FGF12: variants seen among roughly 807,000 people sequenced by gnomAD.
FGF12 encodes the protein fibroblast growth factor 12.
Under a neutral mutation model 23.6 loss-of-function variants are expected in FGF12, and 14 were observed. That is an observed-to-expected ratio of 0.59 (90% confidence interval 0.39 to 0.93). FGF12 has a LOEUF of 0.93. Among genes scored for constraint, FGF12 ranks in the 40% least tolerant of loss-of-function variants. The probability of loss-of-function intolerance (pLI) is 0.00; values close to 1 mark genes in which losing one functional copy is unlikely to be tolerated. For synonymous variants in FGF12, 62 were observed against 77.3 expected, an observed-to-expected ratio of 0.80 and a Z score of 1.04; for missense variants, 175 against 217.8, an observed-to-expected ratio of 0.80 and a Z score of 1.24.
chr3:192,598,966 C>T (rs1467170416), intron 2 of FGF12, among the ~76,000 whole-genome samples: 2 of 152,082 alleles, frequency 1.3e-5, no homozygotes, highest in Non-Finnish European at 2.9e-5. Context: ...TTTGCAGGGA[C>T]ATGGATGAAG....
chr3:192,561,585 A>G (rs1485903403), intron 2 of FGF12, among the ~76,000 whole-genome samples: 1 of 152,134 alleles, frequency 6.6e-6, no homozygotes, highest in Non-Finnish European at 1.5e-5. Flanking sequence ...GATAGTCTCG[A>G]TCTCCTGACC....
At chr3:192,525,849 A>G (rs1724933083) in intron 2 of FGF12, among the ~76,000 whole-genome samples, 1 of 152,118 alleles carries the variant, frequency 6.6e-6, no homozygotes, top group African/African-American at 2.4e-5. Context: ...GTCTTGGCTC[A>G]CTGCAACCTC....
chr3:192,573,573 A>C (rs925221463), intron 2 of FGF12, among the ~76,000 whole-genome samples: 1 of 152,122 alleles, frequency 6.6e-6, no homozygotes, highest in Non-Finnish European at 1.5e-5. Flanking sequence ...TTCGGACTTA[A>C]ACTGGGACAC....
At chr3:192,174,785 A>G (rs972262280) in intron 4 of FGF12, among the ~76,000 whole-genome samples, 2 of 151,870 alleles carry the variant, frequency 1.3e-5, no homozygotes, top group Non-Finnish European at 2.9e-5. Context: ...GGCTCCACAC[A>G]TATTAGCTGT....
rs1489775299 is a variant in FGF12 at position 192,158,392 on chromosome 3, TC to T, written c.427+12065del. On this transcript the variant is annotated intron_variant, in intron 5 of 5. Transcript: ENST00000445105. Reference sequence around the variant, plus strand: ...TTTCTTTCTTTCTTTCTTTTCTTTCTCTCTCTTTCTTTTTCTTTCTTTCTCT... The same window carrying T: ...TTTCTTTCTTTCTTTCTTTTCTTTCTTCTCTTTCTTTTTCTTTCTTTCTCT... Among the ~76,000 whole-genome samples the T allele has an allele frequency of 2.7e-3, 235 of 86,084 alleles. 4 individuals carry two copies. The highest frequency in any genetic ancestry group is 0.017 in the African/African-American group (231 of 13,480). The allele number at this position is 86,084 out of a possible 152,430, so 56.5% of individuals were successfully genotyped here. A position where few individuals can be genotyped will look rare whatever the true frequency, so the allele number is the denominator to read the frequency against.
intron 2 of FGF12, among the ~76,000 whole-genome samples, chr3:192,552,343 G>C (rs1219041466): frequency 6.6e-6 from 1 of 151,906 alleles, no homozygotes; most frequent in African/African-American, 2.4e-5. Context: ...AGAAAAAGTA[G>C]GAGAGAAGAA....
chr3:192,356,526 A>G (rs902519436), intron 3 of FGF12, among the ~76,000 whole-genome samples: 8 of 152,174 alleles, frequency 5.3e-5, no homozygotes, highest in Non-Finnish European at 1.5e-5. Flanking sequence ...CAGTGTTCCA[A>G]CACAGTTTTG....
At chr3:192,203,539 T>C (rs1159088248) in intron 4 of FGF12, among the ~76,000 whole-genome samples, 1 of 151,696 alleles carries the variant, frequency 6.6e-6, no homozygotes, top group African/African-American at 2.4e-5. Flanking sequence ...ATGAGTCAGC[T>C]TACAAGCTTA....
chr3:192,364,104 A>G (rs139386585), intron 2 of FGF12, among the ~76,000 whole-genome samples: 1 of 152,336 alleles, frequency 6.6e-6, no homozygotes, highest in East Asian at 1.9e-4. Context: ...TAGGCAAGGA[A>G]ACCAGAGAAA....
chr3:192,348,782 C>A (rs1406115299), intron 3 of FGF12, among the ~76,000 whole-genome samples: 1 of 152,070 alleles, frequency 6.6e-6, no homozygotes, highest in East Asian at 1.9e-4. Context: ...ATCTTTAAGG[C>A]CATGGACTAA....
In FGF12 at chr3:192,285,715, C is replaced by G. The variant is rs74337296; in HGVS notation, c.228+49646G>C. ...GCTGTGAACCACCTTTTAGGTCAAA[C>G]TAAAATTATTTTCATGGCTGCCTTT... On this transcript the variant is annotated intron_variant, in intron 4 of 5. Coordinates refer to ENST00000445105, the MANE Select transcript of FGF12 (RefSeq NM_004113.6). 5.2e-3 allele frequency among the ~76,000 whole-genome samples: 795 copies of G among 152,052 alleles called. 7 individuals are homozygous for G. The highest frequency in any genetic ancestry group is 0.019 in the African/African-American group (781 of 41,504).
chr3:192,421,726 G>A (rs984570696), intron 2 of FGF12, among the ~76,000 whole-genome samples: 11 of 151,990 alleles, frequency 7.2e-5, no homozygotes, highest in African/African-American at 1.7e-4. Flanking sequence ...TGTAGGTGAC[G>A]GGTTGATGGG....
chr3:192,144,216 C>T, intron 5 of FGF12, 89 bp from the exon 6 acceptor site: 3 of 716,552 alleles, frequency 4.2e-6, no homozygotes, highest in South Asian at 3.5e-5. Context: ...CAATATTCTT[C>T]ACTCTCATCA....
At chr3:192,466,259 C>T (rs1370828169) in intron 2 of FGF12, among the ~76,000 whole-genome samples, 1 of 152,184 alleles carries the variant, frequency 6.6e-6, no homozygotes, top group Admixed American at 6.5e-5. Context: ...ATCATACAGG[C>T]AAGTCTCTTG....
At chr3:192,395,278 A>C (rs1326782377) in intron 2 of FGF12, among the ~76,000 whole-genome samples, 1 of 152,218 alleles carries the variant, frequency 6.6e-6, no homozygotes, top group Non-Finnish European at 1.5e-5. Flanking sequence ...GGTGTTAGGC[A>C]AAGTAAATAC....
chr3:192,656,161 G>A (rs926127882), intron 2 of FGF12, among the ~76,000 whole-genome samples: 3 of 151,710 alleles, frequency 2.0e-5, no homozygotes, highest in South Asian at 2.1e-4. Context: ...AATCAGTGAC[G>A]GAAGCTCACC....
At chr3:192,451,335 T>C (rs146180633) in intron 2 of FGF12, among the ~76,000 whole-genome samples, 2 of 152,272 alleles carry the variant, frequency 1.3e-5, no homozygotes, top group Non-Finnish European at 2.9e-5. Flanking sequence ...AGAGACAAGA[T>C]TTAAAGACAG....
chr3:192,316,901 C>T (rs1418119742), intron 4 of FGF12, among the ~76,000 whole-genome samples: 2 of 152,088 alleles, frequency 1.3e-5, no homozygotes, highest in African/African-American at 4.8e-5. Context: ...ATTGGGATAC[C>T]AGCTCAACCA....
At chr3:192,403,043 T>C (rs1248674817) in intron 2 of FGF12, among the ~76,000 whole-genome samples, 2 of 152,106 alleles carry the variant, frequency 1.3e-5, no homozygotes, top group African/African-American at 2.4e-5. Flanking sequence ...ATATACATGA[T>C]GATCATGCAT....
Sources: gnomAD v4.1 joint callset for allele counts (sites outside exome capture counted in the v4.1 genomes callset) on GRCh38, gnomAD v4.1.1 for gene constraint, MANE v1.5 for transcripts, NCBI Gene and HGNC (gene_info 2026-07-23, HGNC 2026-07-21) for gene names.